Variants in HSD17B2 observed in about 807,000 individuals in gnomAD.
HSD17B2 encodes the protein 17-beta-hydroxysteroid dehydrogenase type 2.
Under a neutral mutation model 26.9 loss-of-function variants are expected in HSD17B2, and 32 were observed. That is an observed-to-expected ratio of 1.19 (90% CI 0.90 to 1.60). The LOEUF (loss-of-function observed/expected upper bound fraction) is 1.60, where lower values mean the gene tolerates loss of function less well. Ranked by LOEUF, HSD17B2 falls within the 40% of genes most tolerant of loss-of-function variation. The probability of loss-of-function intolerance (pLI) is 0.00; values close to 1 mark genes in which losing one functional copy is unlikely to be tolerated. For missense variants in HSD17B2, 613 were observed against 468.6 expected (o/e 1.31, Z -2.85); for synonymous variants, 246 against 186.7 (o/e 1.32, Z -2.59).
chr16:82,044,586 C>CGAGTTGTCA (rs1913862518), intron 1 of HSD17B2: 1 of 152,204 alleles, frequency 6.6e-6, no homozygotes, highest in Non-Finnish European at 1.5e-5. Context: ...TCATTTCCTC[C>CGAGTTGTCA]GAGTTGTCAT....
intron 3 of HSD17B2, among the ~76,000 whole-genome samples, chr16:82,074,266 C>A (rs552518299): frequency 1.9e-3 from 287 of 152,320 alleles, no homozygotes; most frequent in African/African-American, 6.7e-3. Context: ...CTCCCACCCA[C>A]TCACCAAGAT....
chr16:82,096,592 A>G (rs1904845652), intron 4 of HSD17B2: 1 of 151,996 alleles, frequency 6.6e-6, no homozygotes, highest in Admixed American at 6.6e-5. Flanking sequence ...GTATGCTTAT[A>G]TGAGTGTATA....
At chr16:82,066,153 T>C (rs971600177) in intron 1 of HSD17B2, among the ~76,000 whole-genome samples, 1 of 152,234 alleles carries the variant, frequency 6.6e-6, no homozygotes, top group Admixed American at 6.5e-5. Flanking sequence ...CTAAGACAGG[T>C]GTCTATCACA....
At chr16:82,094,284 A>C (rs927385416) in intron 4 of HSD17B2, 4 of 152,246 alleles carry the variant, frequency 2.6e-5, no homozygotes, top group African/African-American at 7.2e-5. Context: ...ACTAGATCAT[A>C]GAGTTTTCCT....
At chr16:82,083,629 G>T (rs953197560) in intron 3 of HSD17B2, among the ~76,000 whole-genome samples, 1 of 152,114 alleles carries the variant, frequency 6.6e-6, no homozygotes, top group Non-Finnish European at 1.5e-5. Context: ...TGAGGATCTG[G>T]GGCAGCAGCT....
At chr16:82,040,126 C>T (rs757802944) in intron 1 of HSD17B2, among the ~76,000 whole-genome samples, 36 of 152,128 alleles carry the variant, frequency 2.4e-4, no homozygotes, top group Admixed American at 7.9e-4. Context: ...TATTGGAGAA[C>T]GGATCCAGGA....
intron 1 of HSD17B2, among the ~76,000 whole-genome samples, chr16:82,053,208 A>G (rs1408575577): frequency 6.6e-6 from 1 of 152,218 alleles, no homozygotes; most frequent in South Asian, 2.1e-4. Context: ...TGGCAAATGC[A>G]GAAGTCAACA....
intron 1 of HSD17B2, among the ~76,000 whole-genome samples, chr16:82,042,195 G>A (rs1481795602): frequency 2.0e-5 from 3 of 151,532 alleles, no homozygotes; most frequent in Admixed American, 1.3e-4. Context: ...AGTAGAGAGG[G>A]GGTTACGCCA....
At chr16:82,045,360 TCTGCACTCATGAGAAAG>T (rs1451863839) in intron 1 of HSD17B2, among the ~76,000 whole-genome samples, 1 of 151,926 alleles carries the variant, frequency 6.6e-6, no homozygotes, top group East Asian at 1.9e-4. Context: ...ACTCACTAGT[TCTGCACTCATGAGAAAG>T]CTGCTTCACC....
chr16:82,042,251 C>T (rs757067450), intron 1 of HSD17B2, among the ~76,000 whole-genome samples: 2 of 152,048 alleles, frequency 1.3e-5, no homozygotes, highest in Non-Finnish European at 2.9e-5. Context: ...GTGATCTTCC[C>T]GCCTCAGCCT....
chr16:82,039,095 C>G (rs958637197), intron 1 of HSD17B2, among the ~76,000 whole-genome samples: 1 of 152,032 alleles, frequency 6.6e-6, no homozygotes, highest in Non-Finnish European at 1.5e-5. Context: ...CAAAGTGCAC[C>G]ATGGATTGAT....
At chr16:82,036,470 G>A (rs529982854) in intron 1 of HSD17B2, among the ~76,000 whole-genome samples, 11 of 151,660 alleles carry the variant, frequency 7.3e-5, no homozygotes, top group East Asian at 3.9e-4. Flanking sequence ...ATTATCCAGC[G>A]TTATCCTAAC....
intron 1 of HSD17B2, among the ~76,000 whole-genome samples, chr16:82,049,703 G>A (rs1444129709): frequency 6.6e-6 from 1 of 152,220 alleles, no homozygotes; most frequent in Middle Eastern, 3.2e-3. Context: ...TGGAACTGCA[G>A]GTAATACAAG....
intron 1 of HSD17B2, chr16:82,063,071 G>C (rs1318762910): frequency 6.6e-6 from 1 of 152,224 alleles, no homozygotes; most frequent in Non-Finnish European, 1.5e-5. Context: ...CAGTCTAGGA[G>C]GGGGTGTTAT....
At chr16:82,047,902 T>A (rs954656480) in intron 1 of HSD17B2, among the ~76,000 whole-genome samples, 2 of 152,160 alleles carry the variant, frequency 1.3e-5, no homozygotes, top group African/African-American at 4.8e-5. Context: ...CAAAGGAATG[T>A]AGAGAATGAT....
chr16:82,084,057 G>C (rs147716733), intron 3 of HSD17B2, among the ~76,000 whole-genome samples: 1 of 152,056 alleles, frequency 6.6e-6, no homozygotes, highest in African/African-American at 2.4e-5. Flanking sequence ...AACAAGCCCT[G>C]CTAAAATGAC....
intron 1 of HSD17B2, among the ~76,000 whole-genome samples, chr16:82,036,426 A>T (rs1019668365): frequency 2.5e-4 from 38 of 151,132 alleles, no homozygotes; most frequent in African/African-American, 8.5e-4. Flanking sequence ...TTGCTTGGTT[A>T]TGGAGTTTAA....
At chr16:82,046,387 A>T (rs1567578198) in intron 1 of HSD17B2, among the ~76,000 whole-genome samples, 1 of 152,136 alleles carries the variant, frequency 6.6e-6, no homozygotes. Context: ...TTCCATGCCT[A>T]ATTTCATTTA....
chr16:82,057,886 G>A (rs562903352), intron 1 of HSD17B2, among the ~76,000 whole-genome samples: 22 of 152,252 alleles, frequency 1.4e-4, no homozygotes, highest in African/African-American at 5.1e-4. Context: ...AGTCTAAGCA[G>A]ACAGGATCAC....
Sources: allele counts gnomAD v4.1 joint callset (sites outside exome capture counted in the v4.1 genomes callset), GRCh38; gene constraint gnomAD v4.1.1; transcripts MANE v1.5; gene names NCBI Gene and HGNC (gene_info 2026-07-23, HGNC 2026-07-21).